NCAPD2: variants seen among roughly 807,000 people sequenced by gnomAD.
NCAPD2 encodes non-SMC condensin I complex subunit D2, also known as condensin complex subunit 1.
In NCAPD2, 100 loss-of-function variants were observed where a neutral mutation model predicts 164.5. That is an observed-to-expected ratio of 0.61 (90% CI 0.52 to 0.72). The LOEUF (loss-of-function observed/expected upper bound fraction) is 0.72. Ranked by LOEUF, NCAPD2 falls within the 30% of genes least tolerant of loss-of-function variation. NCAPD2 has a pLI of 0.00. For missense variants in NCAPD2, 1,560 were observed against 1,749.2 expected (o/e 0.89, Z 1.93); for synonymous variants, 585 against 642.6 (o/e 0.91, Z 1.36).
Position 6,495,226 on chromosome 12 carries a change from G to C in NCAPD2, c.127+1G>C. 6.2e-7 allele frequency: 1 copy of C among 1,614,056 alleles called. No homozygotes were observed. Among genetic ancestry groups the C allele is most frequent in the Non-Finnish European group, 8.5e-7 (1 of 1,179,938 alleles). Reference sequence around the variant, plus strand: ...AAACATCTTCCACCACAGCTTAGAGGTAAGAGTCCATAGCTGTCACTGTAC... The same window carrying C: ...AAACATCTTCCACCACAGCTTAGAGCTAAGAGTCCATAGCTGTCACTGTAC... On this transcript the variant is annotated splice_donor_variant, in intron 2 of 31. Coordinates refer to ENST00000315579, the MANE Select transcript of NCAPD2 (RefSeq NM_014865.4). LOFTEE classifies it high-confidence loss of function.
At chr12:6,516,437 G>T (rs1350706253) in intron 9 of NCAPD2, among the ~76,000 whole-genome samples, 1 of 152,148 alleles carries the variant, frequency 6.6e-6, no homozygotes. Context: ...GGGAGTCAGA[G>T]GTTGCAGTGA....
intron 2 of NCAPD2, among the ~76,000 whole-genome samples, chr12:6,505,298 T>C (rs1946089006): frequency 6.6e-6 from 1 of 152,260 alleles, no homozygotes; most frequent in East Asian, 1.9e-4. Flanking sequence ...GCTCCTCACC[T>C]CAAGTGATTC....
At chr12:6,516,371 G>A (rs1354588192) in intron 9 of NCAPD2, among the ~76,000 whole-genome samples, 4 of 151,882 alleles carry the variant, frequency 2.6e-5, no homozygotes, top group South Asian at 2.1e-4. Flanking sequence ...GTGTGGTGGC[G>A]GGCACCTGTA....
chr12:6,524,712 A>G (rs1477946326), intron 17 of NCAPD2, among the ~76,000 whole-genome samples: 2 of 152,056 alleles, frequency 1.3e-5, no homozygotes, highest in African/African-American at 2.4e-5. Context: ...GGTTGGAACT[A>G]AACTGTGGAA....
chr12:6,514,785 A>G lies in NCAPD2; in HGVS notation c.852A>G (p.Gln284=). 1 of 1,614,216 alleles carries G rather than the reference A, an allele frequency of 6.2e-7. No homozygotes were observed. The highest frequency in any genetic ancestry group is 8.5e-7 in the Non-Finnish European group (1 of 1,180,038). ...IVGEIVREIG[Q]KCPQELSRDP... Reference sequence around the variant, plus strand: ...CTTCCCTGTGTAGAGAGATTGGACAAAAGTGTCCCCAAGAGCTGAGTCGAG... The same window carrying G: ...CTTCCCTGTGTAGAGAGATTGGACAGAAGTGTCCCCAAGAGCTGAGTCGAG... The change falls in exon 9 of 32, where the codon CAA becomes CAG. Residue 284 remains glutamine, a synonymous_variant. Transcript: ENST00000315579.
chr12:6,504,212 TATATAGATATAG>T (rs1202217940), intron 2 of NCAPD2, among the ~76,000 whole-genome samples: 7 of 21,718 alleles, frequency 3.2e-4, no homozygotes, highest in African/African-American at 2.0e-3. Context: ...TATATATATA[TATATAGATATAG>T]ATATATATAT....
intron 13 of NCAPD2, among the ~76,000 whole-genome samples, chr12:6,520,191 A>ATAT (rs1027382708): frequency 1.3e-5 from 2 of 149,520 alleles, no homozygotes; most frequent in African/African-American, 4.9e-5. Context: ...TAAAAAAAAA[A>ATAT]ATATATATAT....
chr12:6,517,451 C>T lies in NCAPD2; in HGVS notation c.1272C>T (p.Ala424=), dbSNP rs1410961342. 1.2e-6 allele frequency: 2 copies of T among 1,614,234 alleles called. No individual in the cohort carries two copies. Among genetic ancestry groups the T allele is most frequent in the East Asian group, 2.2e-5 (1 of 44,892 alleles). ...ADKSVLVCKN[A]IQLLASFLAN... is the part of the protein sequence containing the mutation. ...AGTCAGTGCTAGTATGTAAAAATGCCATCCAGCTGCTGGCCAGTTTTCTAG... is the reference window on the plus strand; with the variant it reads ...AGTCAGTGCTAGTATGTAAAAATGCTATCCAGCTGCTGGCCAGTTTTCTAG... Residue 424 remains alanine (A), a synonymous_variant, in exon 11 of 32, where the codon GCC becomes GCT. Coordinates refer to ENST00000315579, the MANE Select transcript of NCAPD2 (RefSeq NM_014865.4).
At chr12:6,523,187 G>A (rs1946281133) in intron 16 of NCAPD2, 75 bp from the exon 17 acceptor site, 8 of 1,509,846 alleles carry the variant, frequency 5.3e-6, no homozygotes, top group East Asian at 2.3e-5. Flanking sequence ...ACTGTGGTGG[G>A]ATAGCCCTAA....
rs1353930161 is a variant in NCAPD2 at position 6,531,579 on chromosome 12, G to A, written c.*167G>A. 18 of 1,403,088 alleles carry A rather than the reference G, an allele frequency of 1.3e-5. No homozygotes were observed. The highest frequency in any genetic ancestry group is 2.1e-5 in the Admixed American group (1 of 47,874). 86.9% of individuals were successfully genotyped at this position (1,403,088 alleles called of 1,614,324 possible). On this transcript the variant is annotated 3_prime_UTR_variant, in exon 32 of 32. Transcript: ENST00000315579. The surrounding 1 kb of genome is among the most constrained non-coding windows in gnomAD (Gnocchi z 4.1). ...CCAGCACTTTGCGATACCAAGGCGG[G>A]TGGATAACCTGAGGTAGGGAGTTCG...
At chr12:6,525,555 G>C (rs372144111) in intron 17 of NCAPD2, 28 bp from the exon 18 acceptor site, 134 of 1,581,034 alleles carry the variant, frequency 8.5e-5, no homozygotes, top group Non-Finnish European at 1.1e-4. Context: ...TTCATTTTTG[G>C]CTTGAGCCCT....
chr12:6,517,210 G>C, intron 10 of NCAPD2, 155 bp from the exon 11 acceptor site: 1 of 1,276,438 alleles, frequency 7.8e-7, no homozygotes, highest in Non-Finnish European at 1.1e-6. Flanking sequence ...ACTGTAATGT[G>C]TCTTACCACT....
At chr12:6,516,459 G>A (rs936083213) in intron 9 of NCAPD2, among the ~76,000 whole-genome samples, 5 of 151,438 alleles carry the variant, frequency 3.3e-5, no homozygotes, top group Middle Eastern at 3.4e-3. Flanking sequence ...CCGAGATGGC[G>A]CCACAGCACT....
At chr12:6,504,218 G>GATAT (rs1592166286) in intron 2 of NCAPD2, among the ~76,000 whole-genome samples, 3 of 29,950 alleles carry the variant, frequency 1.0e-4, no homozygotes, top group South Asian at 8.1e-4. Context: ...TATATATATA[G>GATAT]ATATAGATAT....
intron 9 of NCAPD2, among the ~76,000 whole-genome samples, chr12:6,516,182 C>T (rs1186674167): frequency 4.1e-5 from 6 of 147,552 alleles, no homozygotes; most frequent in African/African-American, 7.5e-5. Context: ...GGTGACAAAA[C>T]GAGACTCTGT....
Position 6,531,503 on chromosome 12 carries a change from C to CT in NCAPD2, c.*99dup, listed in dbSNP as rs796305141. ...TCCCTTGTAAAATATTTGTCTGTCTCTTTTTTTTAAAAAAAAAAAAGGCCG... is the reference window on the plus strand; with the variant it reads ...TCCCTTGTAAAATATTTGTCTGTCTCTTTTTTTTTAAAAAAAAAAAAGGCCG... On this transcript the variant is annotated 3_prime_UTR_variant, in exon 32 of 32. Coordinates refer to ENST00000315579, the MANE Select transcript of NCAPD2 (RefSeq NM_014865.4). The surrounding 1 kb of genome is among the most constrained non-coding windows in gnomAD (Gnocchi z 4.1). The CT allele has an allele frequency of 4.7e-5, 62 of 1,313,844 alleles. No homozygotes were observed. The highest frequency in any genetic ancestry group is 2.5e-4 in the South Asian group (18 of 72,620). The allele number at this position is 1,313,844 out of a possible 1,614,324, so 81.4% of individuals were successfully genotyped here. A position where few individuals can be genotyped will look rare whatever the true frequency, so the allele number is the denominator to read the frequency against.
intron 18 of NCAPD2, 120 bp from the exon 19 acceptor site, chr12:6,525,948 C>T: frequency 7.3e-7 from 1 of 1,377,370 alleles, no homozygotes; most frequent in Non-Finnish European, 9.9e-7. Flanking sequence ...CAGAGCCACG[C>T]TATAGTGCTC....
chr12:6,512,474 C>T (rs1946160665), intron 6 of NCAPD2, among the ~76,000 whole-genome samples: 1 of 152,132 alleles, frequency 6.6e-6, no homozygotes, highest in Non-Finnish European at 1.5e-5. Context: ...GAGGAGGGAG[C>T]ATGTCCAGCA....
intron 2 of NCAPD2, among the ~76,000 whole-genome samples, chr12:6,496,320 A>G (rs1945984185): frequency 6.6e-6 from 1 of 152,110 alleles, no homozygotes; most frequent in South Asian, 2.1e-4. Context: ...TTGGCCTCCC[A>G]AAGTGTTAGG....
Sources: gnomAD v4.1 joint callset for allele counts (sites outside exome capture counted in the v4.1 genomes callset) on GRCh38, gnomAD v4.1.1 for gene constraint, Gnocchi (gnomAD v3.1) non-coding constraint, MANE v1.5 for transcripts, NCBI Gene and HGNC (gene_info 2026-07-23, HGNC 2026-07-21) for gene names.